KDM4C: variants seen among roughly 807,000 people sequenced by gnomAD.
The protein encoded by KDM4C is lysine demethylase 4C.
A neutral mutation model predicts 129.3 loss-of-function variants in KDM4C; 81 were observed. That is an observed-to-expected ratio of 0.63 (90% CI 0.52 to 0.75). The LOEUF is 0.75. Among genes scored for constraint, KDM4C ranks in the 30% least tolerant of loss-of-function variants. The pLI, the probability that KDM4C is intolerant of heterozygous loss-of-function variation, is 0.00. For synonymous variants in KDM4C, 573 were observed against 456.1 expected (o/e 1.26, Z -3.26); for missense variants, 1,457 against 1,304.0 (o/e 1.12, Z -1.81).
At chr9:6,959,019 T>C (rs958491474) in intron 8 of KDM4C, among the ~76,000 whole-genome samples, 8 of 152,188 alleles carry the variant, frequency 5.3e-5, no homozygotes, top group African/African-American at 1.4e-4. Context: ...ATAAAGTTCC[T>C]TTTATGCCTC....
At chr9:6,821,420 G>T (rs148757200) in intron 4 of KDM4C, among the ~76,000 whole-genome samples, 3 of 152,058 alleles carry the variant, frequency 2.0e-5, no homozygotes, top group Non-Finnish European at 4.4e-5. Flanking sequence ...ATTCTAACTG[G>T]TGTGAGATGG....
At chr9:6,890,421 T>C (rs1845950621) in intron 7 of KDM4C, among the ~76,000 whole-genome samples, 1 of 152,208 alleles carries the variant, frequency 6.6e-6, no homozygotes, top group East Asian at 1.9e-4. Flanking sequence ...AATGTCTCAG[T>C]TGGAATACAT....
chr9:7,017,274 C>T (rs1823870423), intron 15 of KDM4C, among the ~76,000 whole-genome samples: 1 of 152,150 alleles, frequency 6.6e-6, no homozygotes, highest in Admixed American at 6.6e-5. Flanking sequence ...GGTCTTTCCC[C>T]ACTTACTCAT....
At chr9:6,860,899 T>C (rs1417176947) in intron 5 of KDM4C, among the ~76,000 whole-genome samples, 1 of 152,186 alleles carries the variant, frequency 6.6e-6, no homozygotes, top group Admixed American at 6.5e-5. Context: ...TTACCCCAAC[T>C]AACTCCTTTT....
chr9:6,871,231 A>C (rs966864403), intron 5 of KDM4C, among the ~76,000 whole-genome samples: 2 of 152,208 alleles, frequency 1.3e-5, no homozygotes, highest in Non-Finnish European at 2.9e-5. Flanking sequence ...GAACTAGAGA[A>C]AGTAGATTTT....
chr9:6,930,207 G>A (rs1823406677), intron 8 of KDM4C, among the ~76,000 whole-genome samples: 1 of 152,150 alleles, frequency 6.6e-6, no homozygotes, highest in South Asian at 2.1e-4. Context: ...CCACTGATGG[G>A]AACTACTCCA....
intron 19 of KDM4C, among the ~76,000 whole-genome samples, chr9:7,133,182 C>G (rs553654224): frequency 3.3e-5 from 5 of 152,194 alleles, no homozygotes; most frequent in African/African-American, 9.6e-5. Context: ...AGGAAAAGTC[C>G]AATTTTTTAG....
intron 4 of KDM4C, among the ~76,000 whole-genome samples, chr9:6,820,445 G>A (rs950646102): frequency 6.6e-6 from 1 of 152,158 alleles, no homozygotes; most frequent in Non-Finnish European, 1.5e-5. Context: ...GCCTGAGACA[G>A]GGCTGTGGTC....
At chr9:6,881,435 A>G (rs1420224649) in intron 6 of KDM4C, among the ~76,000 whole-genome samples, 5 of 152,208 alleles carry the variant, frequency 3.3e-5, no homozygotes, top group Non-Finnish European at 7.3e-5. Context: ...TAAGATGATT[A>G]CTGTAACACT....
intron 8 of KDM4C, among the ~76,000 whole-genome samples, chr9:6,949,390 C>T (rs961871801): frequency 6.6e-6 from 1 of 151,966 alleles, no homozygotes; most frequent in Non-Finnish European, 1.5e-5. Context: ...CCTCACATCC[C>T]AGACGATGAG....
At chr9:6,872,137 T>G (rs1195871774) in intron 5 of KDM4C, among the ~76,000 whole-genome samples, 3 of 152,160 alleles carry the variant, frequency 2.0e-5, no homozygotes, top group Non-Finnish European at 4.4e-5. Context: ...AATGTTCATA[T>G]TTAAGAAGGT....
Position 6,793,828 on chromosome 9 carries a change from C to A in KDM4C, c.144+696C>A, listed in dbSNP as rs7851491. Among the ~76,000 whole-genome samples, 1,248 of 152,242 alleles carry A rather than the reference C, an allele frequency of 8.2e-3. 16 individuals are homozygous for A. Among genetic ancestry groups the A allele is most frequent in the African/African-American group, 0.028 (1,171 of 41,540 alleles). On this transcript the variant is annotated intron_variant, in intron 2 of 21. Coordinates refer to ENST00000381309, the MANE Select transcript of KDM4C (RefSeq NM_015061.6). ...AAAGTGCGGGGATTAAAGGCGTGAGCCACTGTGCCCGGCCTCTTTTTTTTT... is the reference window on the plus strand; with the variant it reads ...AAAGTGCGGGGATTAAAGGCGTGAGACACTGTGCCCGGCCTCTTTTTTTTT...
At chr9:6,964,078 T>C (rs1255209905) in intron 8 of KDM4C, among the ~76,000 whole-genome samples, 1 of 152,242 alleles carries the variant, frequency 6.6e-6, no homozygotes, top group African/African-American at 2.4e-5. Flanking sequence ...GCTTTCTTTA[T>C]TGTCATTTTA....
chr9:7,028,519 C>T (rs967631253), intron 15 of KDM4C, among the ~76,000 whole-genome samples: 1 of 151,644 alleles, frequency 6.6e-6, no homozygotes, highest in Non-Finnish European at 1.5e-5. Context: ...AGGAAGGGAT[C>T]TCTTTAATTG....
chr9:6,792,917 AT>A, intron 1 of KDM4C, 54 bp from the exon 2 acceptor site: 1 of 1,556,962 alleles, frequency 6.4e-7, no homozygotes, highest in Non-Finnish European at 8.8e-7. Context: ...TTTGTTAAAA[AT>A]GACCTAAAGC....
At chr9:6,859,544 ATT>A (rs149258373) in intron 5 of KDM4C, among the ~76,000 whole-genome samples, 5 of 125,130 alleles carry the variant, frequency 4.0e-5, no homozygotes, top group Non-Finnish European at 5.0e-5. Flanking sequence ...AAGTAGGTGG[ATT>A]TTTTTTTTTT....
At chr9:6,790,310 G>A (rs1826297182) in intron 1 of KDM4C, among the ~76,000 whole-genome samples, 1 of 150,670 alleles carries the variant, frequency 6.6e-6, no homozygotes, top group South Asian at 2.1e-4. Flanking sequence ...GCGTGATCTG[G>A]GCTCACTCAC....
At chr9:7,082,922 T>G (rs1008742662) in intron 17 of KDM4C, among the ~76,000 whole-genome samples, 1 of 152,228 alleles carries the variant, frequency 6.6e-6, no homozygotes, top group African/African-American at 2.4e-5. Context: ...GGACTTTTTC[T>G]TTGTTTACTA....
At chr9:6,901,918 A>G (rs979378414) in intron 8 of KDM4C, among the ~76,000 whole-genome samples, 7 of 152,186 alleles carry the variant, frequency 4.6e-5, no homozygotes, top group African/African-American at 1.2e-4. Context: ...GTGGAACATT[A>G]TAAGTATGGA....
Sources: allele counts gnomAD v4.1 joint callset (sites outside exome capture counted in the v4.1 genomes callset), GRCh38; gene constraint gnomAD v4.1.1; transcripts MANE v1.5; gene names NCBI Gene and HGNC (gene_info 2026-07-23, HGNC 2026-07-21).